ACSL1: variants seen among roughly 807,000 people sequenced by gnomAD.
ACSL1 encodes acyl-CoA synthetase long chain family member 1, also known as long-chain-fatty-acid--CoA ligase 1.
In ACSL1, 41 loss-of-function variants were observed where a neutral mutation model predicts 98.4. That is an observed-to-expected ratio of 0.42 (90% CI 0.32 to 0.54). The LOEUF (loss-of-function observed/expected upper bound fraction) is 0.54. Among genes scored for constraint, ACSL1 ranks in the 20% least tolerant of loss-of-function variants. ACSL1 has a pLI of 0.13. For synonymous variants in ACSL1, 316 were observed against 322.7 expected (o/e 0.98, Z 0.22); for missense variants, 734 against 883.1 (o/e 0.83, Z 2.14).
chr4:184,807,750 T>A (rs755089197), intron 1 of ACSL1, among the ~76,000 whole-genome samples: 1 of 152,128 alleles, frequency 6.6e-6, no homozygotes, highest in South Asian at 2.1e-4. Context: ...ATATCCAGTG[T>A]CTTATCTGAA....
intron 1 of ACSL1, chr4:184,812,323 C>A: frequency 2.9e-6 from 2 of 678,756 alleles, no homozygotes; most frequent in Non-Finnish European, 3.6e-6. Flanking sequence ...TGATTCTGAC[C>A]GTGTCAGACC....
At chr4:184,812,255 G>C (rs375748489) in intron 1 of ACSL1, 3 of 984,848 alleles carry the variant, frequency 3.0e-6, no homozygotes, top group African/African-American at 3.5e-5. Flanking sequence ...TCTTAACACA[G>C]TCCCGAGCCA....
intron 10 of ACSL1, among the ~76,000 whole-genome samples, chr4:184,772,221 T>C (rs1764620037): frequency 6.6e-6 from 1 of 152,226 alleles, no homozygotes; most frequent in African/African-American, 2.4e-5. Flanking sequence ...TTAGAAAGTA[T>C]ACATCTTTAA....
chr4:184,791,852 C>T (rs143613406), intron 2 of ACSL1, among the ~76,000 whole-genome samples: 29 of 152,136 alleles, frequency 1.9e-4, no homozygotes, highest in Non-Finnish European at 2.9e-4. Flanking sequence ...GAAAAACTGT[C>T]CCCTTTAATC....
Position 184,767,825 on chromosome 4 carries a change from G to A in ACSL1, c.1128+491C>T, listed in dbSNP as rs72707739. On this transcript the variant is annotated intron_variant, in intron 12 of 20. Transcript: ENST00000281455. Reference sequence around the variant, plus strand: ...TCCACGCAATGATACCCACCGCAGAGGGGCTGGTGTTCTCTTGGGCTCTGC... The same window carrying A: ...TCCACGCAATGATACCCACCGCAGAAGGGCTGGTGTTCTCTTGGGCTCTGC... Among the ~76,000 whole-genome samples, 1,013 of 152,362 alleles carry A rather than the reference G, an allele frequency of 6.6e-3. 9 individuals are homozygous for A. The highest frequency in any genetic ancestry group is 0.014 in the South Asian group (69 of 4,832).
chr4:184,776,833 G>C (rs1470384822), intron 6 of ACSL1, 51 bp downstream of exon 6: 7 of 1,585,626 alleles, frequency 4.4e-6, no homozygotes, highest in Non-Finnish European at 6.0e-6. Flanking sequence ...TAAAGTCACT[G>C]AACCTAACCA....
chr4:184,817,743 G>A (rs1772750038), intron 1 of ACSL1, among the ~76,000 whole-genome samples: 1 of 152,204 alleles, frequency 6.6e-6, no homozygotes, highest in Non-Finnish European at 1.5e-5. Context: ...AAGCATGCCA[G>A]AGAGAGCAGG....
intron 3 of ACSL1, among the ~76,000 whole-genome samples, chr4:184,785,387 G>A (rs1040839801): frequency 1.9e-4 from 29 of 152,252 alleles, no homozygotes; most frequent in African/African-American, 6.7e-4. Flanking sequence ...AGCTAGAGAT[G>A]AGAGCCACTG....
chr4:184,782,276 A>AC (rs759025788), intron 4 of ACSL1, among the ~76,000 whole-genome samples: 1 of 151,572 alleles, frequency 6.6e-6, no homozygotes, highest in Non-Finnish European at 1.5e-5. Flanking sequence ...AAAAAAAAAA[A>AC]ACAACCCTTT....
rs549956481 is a variant in ACSL1 at position 184,757,029 on chromosome 4, C to T, written c.*96G>A. ...AAGTCAAACACGAACGCTTCCTTCC[C>T]TACACTTGCTGTATTCAAAATTAAC... On this transcript the variant is annotated 3_prime_UTR_variant, in exon 21 of 21. Coordinates refer to ENST00000281455, the MANE Select transcript of ACSL1 (RefSeq NM_001995.5). This position sits in a 1 kb window ranked among gnomAD's most constrained non-coding sequence, Gnocchi z 4.5. The T allele has an allele frequency of 5.7e-6, 8 of 1,413,294 alleles. No homozygotes were observed. The African/African-American group carries it at 9.9e-5, about 18-fold the overall frequency. 87.5% of individuals were successfully genotyped at this position (1,413,294 alleles called of 1,614,324 possible).
intron 1 of ACSL1, among the ~76,000 whole-genome samples, chr4:184,810,707 C>T (rs891734344): frequency 3.3e-5 from 5 of 151,936 alleles, no homozygotes; most frequent in South Asian, 2.1e-4. Context: ...CTGGAACAAA[C>T]GATAGGGCTC....
chr4:184,779,348 A>G (rs1008132262), intron 5 of ACSL1, among the ~76,000 whole-genome samples: 4 of 152,162 alleles, frequency 2.6e-5, no homozygotes, highest in Admixed American at 2.0e-4. Context: ...GCCACCATGT[A>G]AGAAGTGCCT....
chr4:184,812,232 A>G, intron 1 of ACSL1: 3 of 985,368 alleles, frequency 3.0e-6, no homozygotes, highest in Non-Finnish European at 3.6e-6. Context: ...ATCTGTCTTT[A>G]TATGCCCTTG....
intron 15 of ACSL1, among the ~76,000 whole-genome samples, chr4:184,764,023 T>C (rs1388314730): frequency 6.6e-6 from 1 of 152,214 alleles, no homozygotes; most frequent in African/African-American, 2.4e-5. Flanking sequence ...ATGATGTTAG[T>C]GGACAGTGCT....
chr4:184,776,442 C>A, intron 7 of ACSL1, 42 bp downstream of exon 7: 1 of 1,588,714 alleles, frequency 6.3e-7, no homozygotes, highest in Non-Finnish European at 8.6e-7. Flanking sequence ...AACACGGCCC[C>A]AGGGAAAGCC....
Position 184,773,966 on chromosome 4 carries a change from T to G in ACSL1, c.757-91A>C. ...TCGAGTCACTTAAAGCTGGCTTTAC[T>G]GTGGGGTTCATTCACACCTGGCTCG... On this transcript the variant is annotated intron_variant, in intron 7 of 20. Transcript: ENST00000281455. This position sits in a 1 kb window ranked among gnomAD's most constrained non-coding sequence, Gnocchi z 4.3. The G allele has an allele frequency of 6.9e-7, 1 of 1,445,244 alleles. No homozygotes were observed. The highest frequency in any genetic ancestry group is 9.6e-7 in the Non-Finnish European group (1 of 1,037,482). 89.5% of individuals were successfully genotyped at this position (1,445,244 alleles called of 1,614,324 possible).
Position 184,773,615 on chromosome 4 carries a change from C to G in ACSL1, c.841+48G>C, listed in dbSNP as rs1316545787. 6.4e-7 allele frequency: 1 copy of G among 1,563,748 alleles called. No homozygotes were observed. Among genetic ancestry groups the G allele is most frequent in the African/African-American group, 1.4e-5 (1 of 72,618 alleles). On this transcript the variant is annotated intron_variant, in intron 9 of 20. Transcript: ENST00000281455. This position sits in a 1 kb window ranked among gnomAD's most constrained non-coding sequence, Gnocchi z 4.3. ...CATCCAAAAGAGGTAGGGGAGAGTC[C>G]AGACCAATGGCTGCCATATGTAGAA...
At chr4:184,820,646 C>G (rs1772996364) in intron 1 of ACSL1, among the ~76,000 whole-genome samples, 1 of 152,066 alleles carries the variant, frequency 6.6e-6, no homozygotes, top group South Asian at 2.1e-4. Flanking sequence ...ACTCTGTCAC[C>G]CAGGCTGGAG....
At chr4:184,794,028 G>A (rs1019270043) in intron 2 of ACSL1, among the ~76,000 whole-genome samples, 4 of 152,178 alleles carry the variant, frequency 2.6e-5, no homozygotes, top group African/African-American at 9.7e-5. Flanking sequence ...GTATTGTTCA[G>A]GGAATAATGA....
Sources: allele counts gnomAD v4.1 joint callset (sites outside exome capture counted in the v4.1 genomes callset), GRCh38; gene constraint gnomAD v4.1.1; non-coding constraint Gnocchi (gnomAD v3.1); transcripts MANE v1.5; gene names NCBI Gene and HGNC (gene_info 2026-07-23, HGNC 2026-07-21).